Variants in TENM2 observed in about 807,000 individuals in gnomAD.
TENM2 encodes the protein teneurin transmembrane protein 2.
TENM2 carries 52 observed loss-of-function variants against 245.2 expected under a neutral mutation model. The observed-to-expected ratio is 0.21, with a 90% CI of 0.17 to 0.27. The LOEUF is 0.27. TENM2 is among the 10% of genes least tolerant of loss of function. TENM2 has a pLI of 1.00. For missense variants in TENM2, 3,046 were observed against 3,666.8 expected (o/e 0.83, Z 4.37); for synonymous variants, 1,363 against 1,438.9 (o/e 0.95, Z 1.19).
chr5:167,092,340 GACT>G, the TENM2 span, among the ~76,000 whole-genome samples: 1 of 133,984 alleles, frequency 7.5e-6, no homozygotes, highest in Non-Finnish European at 1.8e-5. Context: ...TGTAGAGACA[GACT>G]GACTGGGCCA....
chr5:167,643,453 G>A (rs1779737140), intron 2 of TENM2, among the ~76,000 whole-genome samples: 1 of 151,892 alleles, frequency 6.6e-6, no homozygotes, highest in Non-Finnish European at 1.5e-5. Context: ...CTGCGTCAGT[G>A]GTTCATTTTT....
chr5:168,197,337 G>C (rs1338975005), intron 15 of TENM2, among the ~76,000 whole-genome samples: 1 of 152,116 alleles, frequency 6.6e-6, no homozygotes, highest in Non-Finnish European at 1.5e-5. Context: ...TTTTTACTGT[G>C]ATCCAAGTAC....
chr5:167,695,252 C>T (rs897454843), intron 2 of TENM2, among the ~76,000 whole-genome samples: 2 of 152,174 alleles, frequency 1.3e-5, no homozygotes, highest in Non-Finnish European at 2.9e-5. Flanking sequence ...TTAGGCTTTG[C>T]AGGCCATGAG....
chr5:167,474,480 G>A (rs968537854), intron 2 of TENM2, among the ~76,000 whole-genome samples: 4 of 151,374 alleles, frequency 2.6e-5, no homozygotes, highest in African/African-American at 9.7e-5. Flanking sequence ...TAATCTCCAT[G>A]GTAGGTTTTA....
chr5:167,501,018 T>C (rs566212880), intron 2 of TENM2, among the ~76,000 whole-genome samples: 1 of 152,246 alleles, frequency 6.6e-6, no homozygotes, highest in South Asian at 2.1e-4. Context: ...GTGTGGGCCT[T>C]CAGGAACAGC....
intron 2 of TENM2, among the ~76,000 whole-genome samples, chr5:167,812,301 A>G (rs1203531299): frequency 6.6e-6 from 1 of 152,108 alleles, no homozygotes; most frequent in Non-Finnish European, 1.5e-5. Flanking sequence ...TCAGATTTCC[A>G]TTTTGGAAAG....
intron 9 of TENM2, among the ~76,000 whole-genome samples, chr5:168,098,739 A>T (rs1562155425): frequency 2.6e-5 from 4 of 152,168 alleles, no homozygotes; most frequent in Non-Finnish European, 5.9e-5. Context: ...AGAGGCAGGT[A>T]TAGTGAAGAG....
the TENM2 span, among the ~76,000 whole-genome samples, chr5:167,237,795 G>A: frequency 3.9e-5 from 6 of 152,228 alleles, no homozygotes; most frequent in Non-Finnish European, 7.4e-5. Flanking sequence ...GGTGGATCAT[G>A]AGGTCAGGAG....
At chr5:168,041,420 G>A (rs1229862544) in intron 5 of TENM2, among the ~76,000 whole-genome samples, 6 of 151,934 alleles carry the variant, frequency 3.9e-5, no homozygotes, top group Admixed American at 1.3e-4. Flanking sequence ...CACCCTGCCC[G>A]TCCCTTCACC....
chr5:167,115,238 G>A, the TENM2 span, among the ~76,000 whole-genome samples: 4 of 152,148 alleles, frequency 2.6e-5, no homozygotes, highest in Non-Finnish European at 5.9e-5. Context: ...AATTCAAGAG[G>A]CTGGGCTGGT....
intron 26 of TENM2, among the ~76,000 whole-genome samples, chr5:168,245,734 G>C (rs919368934): frequency 1.3e-5 from 2 of 151,996 alleles, no homozygotes; most frequent in Admixed American, 1.3e-4. Flanking sequence ...CATTACAGCG[G>C]TGACTTGCAG....
At chr5:167,726,191 A>T (rs1446425901) in intron 2 of TENM2, among the ~76,000 whole-genome samples, 1 of 152,154 alleles carries the variant, frequency 6.6e-6, no homozygotes, top group East Asian at 1.9e-4. Context: ...CTTTAAATCA[A>T]ATGCCTCTGA....
chr5:167,807,829 A>T (rs1161427258), intron 2 of TENM2, among the ~76,000 whole-genome samples: 1 of 152,142 alleles, frequency 6.6e-6, no homozygotes, highest in Non-Finnish European at 1.5e-5. Flanking sequence ...CATTAGAAAT[A>T]CCTGGGGAAC....
chr5:166,988,184 C>T, the TENM2 span, among the ~76,000 whole-genome samples: 1 of 152,170 alleles, frequency 6.6e-6, no homozygotes, highest in Non-Finnish European at 1.5e-5. Context: ...TTGATTAGAG[C>T]TCATTTTGAC....
At chr5:167,485,723 C>G (rs1046897300) in intron 2 of TENM2, among the ~76,000 whole-genome samples, 1 of 151,922 alleles carries the variant, frequency 6.6e-6, no homozygotes, top group Non-Finnish European at 1.5e-5. Flanking sequence ...CTAAATACCC[C>G]GACAAGTTGC....
the TENM2 span, among the ~76,000 whole-genome samples, chr5:167,175,759 A>G: frequency 1.3e-5 from 2 of 152,042 alleles, no homozygotes; most frequent in East Asian, 3.9e-4. Context: ...CCAGGCTGGA[A>G]TGCAGCTGCA....
chr5:168,219,852 G>C (rs1042809457), intron 23 of TENM2, among the ~76,000 whole-genome samples: 1 of 108,898 alleles, frequency 9.2e-6, no homozygotes, highest in Non-Finnish European at 1.8e-5. Flanking sequence ...AAAAAAAAGC[G>C]GGGGACAAGA....
the TENM2 span, among the ~76,000 whole-genome samples, chr5:167,135,527 A>C: frequency 1.3e-5 from 2 of 152,206 alleles, no homozygotes; most frequent in Admixed American, 6.5e-5. Context: ...CTGTAATCCC[A>C]GCACTTTGGG....
rs966689435 is a variant in TENM2 at position 167,384,364 on chromosome 5, T to C, written c.502+8891T>C. ...ACTTTTATGTATGGAAATGAGATGA[T>C]GGATATTCTAAATGAAGAAAAGCCA... On this transcript the variant is annotated intron_variant, in intron 2 of 28. Transcript: ENST00000518659. Among the ~76,000 whole-genome samples the C allele has an allele frequency of 3.3e-5, 5 of 152,128 alleles. No homozygotes were observed. In the South Asian group the frequency reaches 1.0e-3, roughly 31 times the overall value.
Sources: allele counts gnomAD v4.1 joint callset (sites outside exome capture counted in the v4.1 genomes callset), GRCh38; gene constraint gnomAD v4.1.1; transcripts MANE v1.5; gene names NCBI Gene and HGNC (gene_info 2026-07-23, HGNC 2026-07-21).